Variants in PLXDC2 observed in about 807,000 individuals in gnomAD.
PLXDC2 encodes the protein plexin domain containing 2, also known as plexin domain-containing protein 2.
PLXDC2 carries 40 observed loss-of-function variants against 68.9 expected under a neutral mutation model. The observed-to-expected ratio is 0.58, with a 90% CI of 0.45 to 0.76. PLXDC2 has a LOEUF of 0.76. PLXDC2 is among the 30% of genes least tolerant of loss of function. The pLI is 0.00. For missense variants in PLXDC2, 644 were observed against 661.9 expected (o/e 0.97, Z 0.30); for synonymous variants, 243 against 234.2 (o/e 1.04, Z -0.34).
At chr10:19,864,595 A>G (rs1475619956) in intron 1 of PLXDC2, among the ~76,000 whole-genome samples, 3 of 152,164 alleles carry the variant, frequency 2.0e-5, no homozygotes, top group Admixed American at 2.0e-4. Context: ...AGATGCTGAT[A>G]TTTGGCAAAA....
chr10:19,967,198 T>G (rs1438125045), intron 1 of PLXDC2, among the ~76,000 whole-genome samples: 1 of 152,200 alleles, frequency 6.6e-6, no homozygotes, highest in African/African-American at 2.4e-5. Flanking sequence ...AATTTTTGGG[T>G]GTAGAAAATC....
At chr10:19,884,097 A>C (rs1181644303) in intron 1 of PLXDC2, among the ~76,000 whole-genome samples, 2 of 149,430 alleles carry the variant, frequency 1.3e-5, no homozygotes, top group East Asian at 4.0e-4. Flanking sequence ...GGGTTTTGCC[A>C]TGTTGGCCAG....
At chr10:19,839,635 G>GCTT (rs11433960) in intron 1 of PLXDC2, among the ~76,000 whole-genome samples, 5 of 147,288 alleles carry the variant, frequency 3.4e-5, no homozygotes, top group Non-Finnish European at 3.0e-5. Context: ...ACATGTTGGT[G>GCTT]TTTTTTTTTT....
chr10:20,245,626 A>T, intron 13 of PLXDC2, 121 bp downstream of exon 13: 1 of 1,125,368 alleles, frequency 8.9e-7, no homozygotes, highest in Non-Finnish European at 1.3e-6. Flanking sequence ...AAGCTTTCTG[A>T]TTTCACACAC....
At chr10:20,061,702 C>A (rs532494585) in intron 3 of PLXDC2, among the ~76,000 whole-genome samples, 1 of 152,218 alleles carries the variant, frequency 6.6e-6, no homozygotes, top group African/African-American at 2.4e-5. Flanking sequence ...GCATAATGTC[C>A]GATCTATTAA....
intron 12 of PLXDC2, among the ~76,000 whole-genome samples, chr10:20,227,036 C>T (rs1056048980): frequency 1.3e-5 from 2 of 151,896 alleles, no homozygotes; most frequent in African/African-American, 2.4e-5. Context: ...CTTTTTTAAA[C>T]GTGAAATGTC....
At chr10:19,871,860 T>G (rs1837542764) in intron 1 of PLXDC2, among the ~76,000 whole-genome samples, 2 of 140,972 alleles carry the variant, frequency 1.4e-5, no homozygotes, top group African/African-American at 5.3e-5. Flanking sequence ...CACTCCAGCC[T>G]GGGCAACAAG....
At chr10:20,053,048 A>G (rs991193691) in intron 3 of PLXDC2, among the ~76,000 whole-genome samples, 1 of 152,172 alleles carries the variant, frequency 6.6e-6, no homozygotes, top group African/African-American at 2.4e-5. Context: ...GATGGAAATA[A>G]AGTAAGTTTT....
chr10:19,971,358 G>T (rs1485857687), intron 1 of PLXDC2, among the ~76,000 whole-genome samples: 2 of 152,114 alleles, frequency 1.3e-5, no homozygotes, highest in Non-Finnish European at 2.9e-5. Context: ...GTATATTTGG[G>T]TTTATCACAT....
intron 13 of PLXDC2, among the ~76,000 whole-genome samples, chr10:20,251,709 G>T (rs1204591083): frequency 1.3e-5 from 2 of 152,176 alleles, no homozygotes; most frequent in Admixed American, 6.5e-5. Flanking sequence ...CCTATGAAAG[G>T]ATTCTATTTG....
At chr10:20,110,816 T>G (rs1833551390) in intron 4 of PLXDC2, among the ~76,000 whole-genome samples, 1 of 152,210 alleles carries the variant, frequency 6.6e-6, no homozygotes, top group Admixed American at 6.5e-5. Flanking sequence ...CAATTATCTT[T>G]GTTTCGTTTT....
intron 4 of PLXDC2, among the ~76,000 whole-genome samples, chr10:20,098,229 C>A (rs1477602852): frequency 6.6e-6 from 1 of 152,056 alleles, no homozygotes; most frequent in Admixed American, 6.6e-5. Flanking sequence ...TCTGTAGGCT[C>A]TACAGGAAAA....
intron 9 of PLXDC2, among the ~76,000 whole-genome samples, chr10:20,201,596 A>G (rs944526411): frequency 6.6e-6 from 1 of 152,094 alleles, no homozygotes; most frequent in Non-Finnish European, 1.5e-5. Flanking sequence ...ACAATACTAT[A>G]TATTTTCAAA....
chr10:20,020,307 C>T (rs1298437386), intron 2 of PLXDC2, among the ~76,000 whole-genome samples: 2 of 149,762 alleles, frequency 1.3e-5, no homozygotes, highest in East Asian at 4.0e-4. Context: ...AAAGAGAATA[C>T]AACTCCTCTT....
At position 19,899,831 on chromosome 10, in the gene PLXDC2, T is replaced by A. The variant is rs914464394; in HGVS notation, c.112+82640T>A. Among the ~76,000 whole-genome samples, 3 of 152,144 alleles carry A rather than the reference T, an allele frequency of 2.0e-5. No individual in the cohort carries two copies. In the South Asian group the frequency reaches 6.2e-4, roughly 32 times the overall value. On this transcript the variant is annotated intron_variant, in intron 1 of 13. Transcript: ENST00000377252. The stretch of plus-strand genomic sequence containing the variant: ...TGTTCATGATATGAAATGGGTTAAT[T>A]TGAGTATTTTTTATTAATCTGGCTC...
intron 1 of PLXDC2, among the ~76,000 whole-genome samples, chr10:19,885,315 C>T (rs1378010737): frequency 6.7e-6 from 1 of 150,210 alleles, no homozygotes; most frequent in Admixed American, 6.6e-5. Context: ...CCTGTTCACT[C>T]TGATGGTAGT....
chr10:19,925,220 G>A (rs997797899), intron 1 of PLXDC2, among the ~76,000 whole-genome samples: 1 of 151,282 alleles, frequency 6.6e-6, no homozygotes, highest in Non-Finnish European at 1.5e-5. Context: ...GAACCAGGAG[G>A]CAGCAGAAGG....
intron 13 of PLXDC2, among the ~76,000 whole-genome samples, chr10:20,273,712 G>A (rs924486717): frequency 3.9e-5 from 6 of 152,136 alleles, no homozygotes; most frequent in Non-Finnish European, 8.8e-5. Context: ...TAATCTGTAG[G>A]TGGGTATTCA....
At chr10:20,085,744 C>A (rs780120685) in intron 4 of PLXDC2, among the ~76,000 whole-genome samples, 1 of 152,110 alleles carries the variant, frequency 6.6e-6, no homozygotes, top group Non-Finnish European at 1.5e-5. Flanking sequence ...TTTTTCAACA[C>A]CTCCCTCAAG....
Sources: allele counts gnomAD v4.1 joint callset (sites outside exome capture counted in the v4.1 genomes callset), GRCh38; gene constraint gnomAD v4.1.1; transcripts MANE v1.5; gene names NCBI Gene and HGNC (gene_info 2026-07-23, HGNC 2026-07-21).